CADPS2: variants seen among roughly 807,000 people sequenced by gnomAD.
CADPS2 encodes calcium-dependent secretion activator 2.
CADPS2 carries 93 observed loss-of-function variants against 172.5 expected under a neutral mutation model. The observed-to-expected ratio is 0.54, with a 90% CI of 0.46 to 0.64. The LOEUF is 0.64. Ranked by LOEUF, CADPS2 falls within the 30% of genes least tolerant of loss-of-function variation. The pLI, the probability that CADPS2 is intolerant of heterozygous loss-of-function variation, is 0.00. For synonymous variants in CADPS2, 546 were observed against 555.2 expected (o/e 0.98, Z 0.23); for missense variants, 1,420 against 1,565.9 (o/e 0.91, Z 1.57).
chr7:122,790,580 A>C (rs1795090145), intron 1 of CADPS2, among the ~76,000 whole-genome samples: 1 of 152,156 alleles, frequency 6.6e-6, no homozygotes, highest in East Asian at 1.9e-4. Flanking sequence ...CAGGACTTAA[A>C]AATATCAAGG....
intron 1 of CADPS2, among the ~76,000 whole-genome samples, chr7:122,783,443 T>C (rs1036627090): frequency 1.3e-5 from 2 of 152,292 alleles, no homozygotes; most frequent in Admixed American, 1.3e-4. Context: ...GTTCCTCACA[T>C]GGGGCACCAA....
chr7:122,651,895 T>C (rs2079188087), intron 3 of CADPS2, among the ~76,000 whole-genome samples: 1 of 152,226 alleles, frequency 6.6e-6, no homozygotes, highest in Admixed American at 6.5e-5. Context: ...TCTGTTCATT[T>C]AGGATTACAT....
chr7:122,490,212 T>C lies in CADPS2; in HGVS notation c.1721A>G (p.Asp574Gly), dbSNP rs757410519. The C allele has an allele frequency of 2.5e-6, 4 of 1,613,402 alleles. No homozygotes were observed. The highest frequency in any genetic ancestry group is 3.3e-5 in the Admixed American group (2 of 59,994). Residue 574 changes from aspartate (D) to glycine (G), a missense_variant, in exon 11 of 30, where the codon GAT becomes GGT. By Grantham distance (94) the Asp-to-Gly change is moderately conservative (BLOSUM62 -1). Transcript: ENST00000449022. ...EGDTVIFASD[D>G]EQDRILWVQA... ...AACCCATAATATTCTGTCCTGTTCA[T>C]CATCACTGGCAAAGATTACAGTATC...
At chr7:122,372,007 C>T (rs1433133803) in intron 25 of CADPS2, among the ~76,000 whole-genome samples, 1 of 152,036 alleles carries the variant, frequency 6.6e-6, no homozygotes, top group East Asian at 1.9e-4. Flanking sequence ...ACAATATCAA[C>T]TAATATTTAA....
intron 25 of CADPS2, chr7:122,366,679 A>ACG (rs2040933424): frequency 8.1e-6 from 1 of 123,610 alleles, no homozygotes; most frequent in Non-Finnish European, 1.8e-5. Flanking sequence ...ATATATATAT[A>ACG]TATACGTATA....
chr7:122,514,409 A>G (rs977267140), intron 8 of CADPS2, among the ~76,000 whole-genome samples: 1 of 152,128 alleles, frequency 6.6e-6, no homozygotes, highest in Non-Finnish European at 1.5e-5. Flanking sequence ...CTAAAATCTT[A>G]GGCTGAATCT....
intron 8 of CADPS2, among the ~76,000 whole-genome samples, chr7:122,548,287 C>A (rs1310298489): frequency 2.0e-5 from 3 of 152,014 alleles, no homozygotes; most frequent in Non-Finnish European, 4.4e-5. Context: ...ATGGGAGGGT[C>A]ACTTGAGCCC....
At chr7:122,649,981 C>T (rs2078983589) in intron 3 of CADPS2, among the ~76,000 whole-genome samples, 1 of 124,978 alleles carries the variant, frequency 8.0e-6, no homozygotes, top group South Asian at 2.9e-4. Context: ...GTGATCTCGG[C>T]TCACTGCAAC....
At chr7:122,584,869 T>A (rs569731964) in intron 6 of CADPS2, among the ~76,000 whole-genome samples, 1 of 152,146 alleles carries the variant, frequency 6.6e-6, no homozygotes, top group South Asian at 2.1e-4. Context: ...CTGCATAATA[T>A]TGATCATGTA....
chr7:122,734,376 AAAAAAAAAAAG>A (rs1353681383), intron 2 of CADPS2, among the ~76,000 whole-genome samples: 8 of 95,460 alleles, frequency 8.4e-5, no homozygotes, highest in Non-Finnish European at 1.9e-4. Flanking sequence ...AAAAAAAAAA[AAAAAAAAAAAG>A]AAAAAAAAAA....
At chr7:122,882,179 A>G (rs1294711597) in intron 1 of CADPS2, among the ~76,000 whole-genome samples, 1 of 152,178 alleles carries the variant, frequency 6.6e-6, no homozygotes, top group Non-Finnish European at 1.5e-5. Flanking sequence ...CTTCCCCACC[A>G]TCTGCAATTT....
At chr7:122,732,795 C>T (rs1239975353) in intron 2 of CADPS2, among the ~76,000 whole-genome samples, 4 of 138,278 alleles carry the variant, frequency 2.9e-5, no homozygotes, top group African/African-American at 5.4e-5. Flanking sequence ...AATATATATA[C>T]ATTATATATT....
chr7:122,682,914 A>G (rs544935885), intron 2 of CADPS2, among the ~76,000 whole-genome samples: 1 of 152,294 alleles, frequency 6.6e-6, no homozygotes, highest in East Asian at 1.9e-4. Flanking sequence ...GCCACTCCTC[A>G]CGAGAGAGAA....
intron 1 of CADPS2, among the ~76,000 whole-genome samples, chr7:122,810,767 A>T (rs1023579155): frequency 2.0e-5 from 3 of 152,008 alleles, no homozygotes; most frequent in East Asian, 3.9e-4. Flanking sequence ...ATTTTTAAAA[A>T]TTTTTTGATA....
intron 1 of CADPS2, among the ~76,000 whole-genome samples, chr7:122,883,528 A>T (rs192351845): frequency 1.3e-3 from 199 of 152,342 alleles, no homozygotes; most frequent in African/African-American, 4.5e-3. Context: ...CTTCTTTTAG[A>T]TAATCTAACT....
At chr7:122,867,777 G>A (rs937848388) in intron 1 of CADPS2, among the ~76,000 whole-genome samples, 8 of 152,120 alleles carry the variant, frequency 5.3e-5, no homozygotes, top group African/African-American at 1.4e-4. Context: ...CCAGACCCAT[G>A]GAAAATCTCT....
intron 9 of CADPS2, among the ~76,000 whole-genome samples, chr7:122,495,513 A>T (rs2058663823): frequency 6.6e-6 from 1 of 152,232 alleles, no homozygotes; most frequent in African/African-American, 2.4e-5. Context: ...CCATCTTGAT[A>T]TAAATATTGT....
chr7:122,410,254 G>A (rs1373302602), intron 19 of CADPS2, among the ~76,000 whole-genome samples: 2 of 152,098 alleles, frequency 1.3e-5, no homozygotes, highest in Non-Finnish European at 2.9e-5. Context: ...TGAGATAGGA[G>A]AATCGCTTGA....
intron 7 of CADPS2, among the ~76,000 whole-genome samples, chr7:122,571,167 C>T (rs1289359180): frequency 6.6e-6 from 1 of 151,772 alleles, no homozygotes; most frequent in African/African-American, 2.4e-5. Flanking sequence ...AAACAAGCAA[C>T]CCAGTTAAAA....
Sources: gnomAD v4.1 joint callset for allele counts (sites outside exome capture counted in the v4.1 genomes callset) on GRCh38, gnomAD v4.1.1 for gene constraint, MANE v1.5 for transcripts, NCBI Gene and HGNC (gene_info 2026-07-23, HGNC 2026-07-21) for gene names.